The following ANKRD30BL variants were observed in gnomAD, a reference collection of about 807,000 sequenced individuals.
ANKRD30BL encodes putative ankyrin repeat domain-containing protein 30B-like.
In ANKRD30BL, 20 loss-of-function variants were observed where a neutral mutation model predicts 18.4. The ratio of observed to expected loss-of-function variants is 1.09; its 90% confidence interval spans 0.77 to 1.58. The LOEUF (loss-of-function observed/expected upper bound fraction) is 1.58. Ranked by LOEUF, ANKRD30BL falls within the 40% of genes most tolerant of loss-of-function variation. ANKRD30BL has a pLI of 0.00. For missense variants in ANKRD30BL, 224 were observed against 268.6 expected (o/e 0.83, Z 1.16); for synonymous variants, 72 against 100.9 (o/e 0.71, Z 1.72).
At chr2:132,179,701 T>A (rs1393966875) in intron 1 of ANKRD30BL, among the ~76,000 whole-genome samples, 1 of 152,146 alleles carries the variant, frequency 6.6e-6, no homozygotes, top group African/African-American at 2.4e-5. Context: ...GGGATTGTTA[T>A]CATAGGAGAT....
chr2:132,178,311 A>C (rs1169094104), intron 1 of ANKRD30BL, among the ~76,000 whole-genome samples: 18 of 152,236 alleles, frequency 1.2e-4, no homozygotes, highest in Admixed American at 2.0e-4. Context: ...TGGGAACCAA[A>C]GGATATGTCA....
chr2:132,216,606 T>A (rs76742273), intron 1 of ANKRD30BL, among the ~76,000 whole-genome samples: 1 of 151,136 alleles, frequency 6.6e-6, no homozygotes, highest in African/African-American at 2.4e-5. Flanking sequence ...GAACATTTCT[T>A]TTGATTGAGC....
intron 1 of ANKRD30BL, among the ~76,000 whole-genome samples, chr2:132,173,349 G>C (rs1688313932): frequency 6.7e-6 from 1 of 149,702 alleles, no homozygotes; most frequent in South Asian, 2.1e-4. Context: ...ACCCAGGCTG[G>C]AGTGCAGTGG....
At chr2:132,164,072 A>AATG (rs1021025042), upstream of ANKRD30BL, among the ~76,000 whole-genome samples, 4 of 152,062 alleles carry the variant, frequency 2.6e-5, no homozygotes, top group African/African-American at 9.7e-5. Context: ...CCACTTTAAT[A>AATG]ATGAGAAACC....
At chr2:132,248,115 A>G (rs1419964010) in intron 1 of ANKRD30BL, among the ~76,000 whole-genome samples, 1 of 152,088 alleles carries the variant, frequency 6.6e-6, no homozygotes, top group African/African-American at 2.4e-5. Context: ...GTTTTTCACC[A>G]TAGGCCTCAA....
chr2:132,168,654 G>T (rs530407797), intron 1 of ANKRD30BL, among the ~76,000 whole-genome samples: 1 of 152,064 alleles, frequency 6.6e-6, no homozygotes, highest in Non-Finnish European at 1.5e-5. Flanking sequence ...ATATAGCATA[G>T]TAGCTACAGC....
chr2:132,195,087 T>C (rs944160146), intron 1 of ANKRD30BL, among the ~76,000 whole-genome samples: 1 of 151,944 alleles, frequency 6.6e-6, no homozygotes, highest in Non-Finnish European at 1.5e-5. Context: ...AAAATGGATA[T>C]AAATAGGAAA....
At chr2:132,199,517 T>A (rs981986260) in intron 1 of ANKRD30BL, among the ~76,000 whole-genome samples, 8 of 151,946 alleles carry the variant, frequency 5.3e-5, no homozygotes, top group Non-Finnish European at 1.2e-4. Flanking sequence ...TTTTTTTTTA[T>A]TTTTTGTTTG....
chr2:132,256,846 T>A (rs1288579174), intron 1 of ANKRD30BL: 2 of 421,876 alleles, frequency 4.7e-6, no homozygotes, highest in African/African-American at 4.1e-5. Context: ...CACCACAGCC[T>A]AAGGCGGTGA....
intron 1 of ANKRD30BL, among the ~76,000 whole-genome samples, chr2:132,198,311 T>C (rs1388081409): frequency 5.2e-5 from 1 of 19,088 alleles, no homozygotes; most frequent in Non-Finnish European, 1.3e-4. Flanking sequence ...TTTCTTTCTT[T>C]CTTTCTTTCT....
Position 132,161,889 on chromosome 2 carries a change from A to C in ANKRD30BL, c.-184T>G. ...GAGAAAATGGCTGCGCAAAACCGTT[A>C]GGCAGCTGAGCAGAACCGTTAGGCA... On this transcript the variant is annotated 5_prime_UTR_variant, in exon 1 of 6. Transcript: ENST00000409867. 1 of 591,756 alleles carries C rather than the reference A, an allele frequency of 1.7e-6. No homozygotes were observed. The highest frequency in any genetic ancestry group is 2.0e-5 in the South Asian group (1 of 49,662). The allele number at this position is 591,756 out of a possible 1,614,324, so 36.7% of individuals were successfully genotyped here. A position where few individuals can be genotyped will look rare whatever the true frequency, so the allele number is the denominator to read the frequency against.
At chr2:132,158,519 T>G (rs1258105248) in intron 1 of ANKRD30BL, among the ~76,000 whole-genome samples, 5 of 152,060 alleles carry the variant, frequency 3.3e-5, no homozygotes, top group African/African-American at 4.8e-5. Context: ...TTGAGATTCA[T>G]TCCTAGTACT....
chr2:132,232,212 A>C (rs912020091), intron 1 of ANKRD30BL, among the ~76,000 whole-genome samples: 1 of 152,236 alleles, frequency 6.6e-6, no homozygotes, highest in African/African-American at 2.4e-5. Flanking sequence ...GACCAACAGT[A>C]GACAAAATCA....
chr2:132,218,580 C>G (rs139830580), intron 1 of ANKRD30BL, among the ~76,000 whole-genome samples: 14 of 152,242 alleles, frequency 9.2e-5, no homozygotes, highest in African/African-American at 3.1e-4. Context: ...TGCAGAATCT[C>G]CAAGTGGACA....
At chr2:132,203,688 CATT>C (rs1226105268) in intron 1 of ANKRD30BL, among the ~76,000 whole-genome samples, 1 of 151,706 alleles carries the variant, frequency 6.6e-6, no homozygotes, top group Non-Finnish European at 1.5e-5. Context: ...ATTTTAAAAT[CATT>C]ATTTTAATTA....
intron 1 of ANKRD30BL, among the ~76,000 whole-genome samples, chr2:132,223,308 TCA>T (rs1679747236): frequency 6.6e-6 from 1 of 152,168 alleles, no homozygotes; most frequent in African/African-American, 2.4e-5. Flanking sequence ...AGAAGCATTC[TCA>T]CAAACTTCTT....
chr2:132,255,984 G>A lies in ANKRD30BL; in HGVS notation n.441+1545C>T, dbSNP rs1680823709. Reference sequence around the variant, plus strand: ...GTTGGTTTTGATCTGATAAATGCACGCATCTTCCCTGTGAAGGGGGTCAGT... The same window carrying A: ...GTTGGTTTTGATCTGATAAATGCACACATCTTCCCTGTGAAGGGGGTCAGT... On this transcript the variant is annotated intron_variant and non_coding_transcript_variant, in intron 1 of 4. Transcript: ENST00000470729. Among the ~76,000 whole-genome samples, 6 of 152,290 alleles carry A rather than the reference G, an allele frequency of 3.9e-5. No homozygotes were observed. The South Asian group carries it at 1.0e-3, about 26-fold the overall frequency.
intron 1 of ANKRD30BL, among the ~76,000 whole-genome samples, chr2:132,246,449 G>T (rs143588511): frequency 6.6e-6 from 1 of 151,378 alleles, no homozygotes; most frequent in Non-Finnish European, 1.5e-5. Flanking sequence ...TGAGTATTTC[G>T]TTGGAAATGG....
At chr2:132,153,719 A>G (rs1187482769) in intron 4 of ANKRD30BL, 2 of 1,151,376 alleles carry the variant, frequency 1.7e-6, no homozygotes, top group East Asian at 4.7e-5. Flanking sequence ...AGATAACTTC[A>G]TTATTAGGAA....
Sources: allele counts gnomAD v4.1 joint callset (sites outside exome capture counted in the v4.1 genomes callset), GRCh38; gene constraint gnomAD v4.1.1; transcripts MANE v1.5; gene names NCBI Gene and HGNC (gene_info 2026-07-23, HGNC 2026-07-21).